The following E2F3 variants were observed in gnomAD, a reference collection of about 807,000 sequenced individuals.
E2F3 encodes the protein E2F transcription factor 3, also known as transcription factor E2F3.
In E2F3, 11 loss-of-function variants were observed where a neutral mutation model predicts 44.4. That is an observed-to-expected ratio of 0.25 (90% CI 0.16 to 0.41). E2F3 has a LOEUF of 0.41. Ranked by LOEUF, E2F3 falls within the 10% of genes least tolerant of loss-of-function variation. The probability of loss-of-function intolerance (pLI) is 1.00; values close to 1 mark genes in which losing one functional copy is unlikely to be tolerated. For synonymous variants in E2F3, 249 were observed against 253.0 expected (o/e 0.98, Z 0.15); for missense variants, 487 against 583.6 (o/e 0.83, Z 1.70).
At chr6:20,450,137 A>G (rs1761081324) in intron 1 of E2F3, among the ~76,000 whole-genome samples, 1 of 152,220 alleles carries the variant, frequency 6.6e-6, no homozygotes, top group Non-Finnish European at 1.5e-5. Context: ...GTATATACCC[A>G]GAAATGGGAA....
chr6:20,487,733 T>C (rs1762435745), intron 5 of E2F3, among the ~76,000 whole-genome samples: 1 of 152,152 alleles, frequency 6.6e-6, no homozygotes, highest in Non-Finnish European at 1.5e-5. Flanking sequence ...CAGCAAACTT[T>C]TTCATTGAAG....
intron 1 of E2F3, among the ~76,000 whole-genome samples, chr6:20,418,297 A>G (rs1019846727): frequency 4.6e-5 from 7 of 152,248 alleles, no homozygotes; most frequent in African/African-American, 1.7e-4. Context: ...GAGATGCATT[A>G]TCACATTCGA....
At chr6:20,481,519 G>T in intron 3 of E2F3, 94 bp downstream of exon 3, 1 of 1,102,588 alleles carries the variant, frequency 9.1e-7, no homozygotes, top group East Asian at 2.4e-5. Context: ...ACGCCCACAC[G>T]TTCTTTTCTT....
chr6:20,455,012 A>G (rs1761263076), intron 1 of E2F3, among the ~76,000 whole-genome samples: 1 of 152,186 alleles, frequency 6.6e-6, no homozygotes, highest in East Asian at 1.9e-4. Flanking sequence ...GCCGATGACA[A>G]TGTATATCGA....
At chr6:20,420,506 T>C (rs187130841) in intron 1 of E2F3, among the ~76,000 whole-genome samples, 34 of 152,216 alleles carry the variant, frequency 2.2e-4, no homozygotes, top group African/African-American at 7.5e-4. Context: ...GCAGGTCTGA[T>C]TCCAGAGCAC....
chr6:20,432,932 C>T (rs1476854791), intron 1 of E2F3, among the ~76,000 whole-genome samples: 4 of 152,332 alleles, frequency 2.6e-5, no homozygotes, highest in Non-Finnish European at 4.4e-5. Context: ...GACCTTGGCT[C>T]CTTGTCATCT....
Position 20,403,745 on chromosome 6 carries a change from C to T in E2F3, c.393+1120C>T. The T allele has an allele frequency of 4.8e-6, 7 of 1,469,506 alleles. No individual in the cohort carries two copies. In the South Asian group the frequency reaches 6.3e-5, roughly 13 times the overall value. The allele number at this position is 1,469,506 out of a possible 1,614,324, so 91.0% of individuals were successfully genotyped here. On this transcript the variant is annotated intron_variant, in intron 1 of 6. Transcript: ENST00000346618. ...CCCGCCCTCGCCCTGCGCCGCCGGT[C>T]TGTTCGGCCCTCCGGGCCCCCTCTC...
chr6:20,435,457 A>G (rs1312047076), intron 1 of E2F3, among the ~76,000 whole-genome samples: 2 of 152,222 alleles, frequency 1.3e-5, no homozygotes, highest in Non-Finnish European at 2.9e-5. Flanking sequence ...AGCATTATTA[A>G]AACTCATTGA....
chr6:20,407,206 A>C, intron 1 of E2F3, among the ~76,000 whole-genome samples: 1 of 152,198 alleles, frequency 6.6e-6, no homozygotes, highest in Non-Finnish European at 1.5e-5. Flanking sequence ...TGCCAAGTTT[A>C]AGCTGGGAGA....
chr6:20,433,596 T>A (rs1160659602), intron 1 of E2F3, among the ~76,000 whole-genome samples: 4 of 152,206 alleles, frequency 2.6e-5, no homozygotes, highest in Non-Finnish European at 4.4e-5. Flanking sequence ...ACTTCAAAAT[T>A]ACAGTAATTT....
At chr6:20,457,407 G>T (rs907741185) in intron 1 of E2F3, among the ~76,000 whole-genome samples, 3 of 133,340 alleles carry the variant, frequency 2.2e-5, no homozygotes, top group Admixed American at 1.8e-4. Context: ...CAGGCTGCTC[G>T]ATCTCTTGAC....
At chr6:20,419,602 T>G (rs1163484658) in intron 1 of E2F3, among the ~76,000 whole-genome samples, 1 of 152,142 alleles carries the variant, frequency 6.6e-6, no homozygotes, top group Non-Finnish European at 1.5e-5. Context: ...CTTGCTCTGT[T>G]GCCCAGGCTG....
chr6:20,445,249 T>C, intron 1 of E2F3: 1 of 627,312 alleles, frequency 1.6e-6, no homozygotes, highest in Non-Finnish European at 2.0e-6. Flanking sequence ...TTTTCTCCCT[T>C]TTTTTTTTTT....
In E2F3 at chr6:20,492,809, G is replaced by A. The variant is rs1762589531; in HGVS notation, c.*2379G>A. 4.4e-6 allele frequency: 1 copy of A among 226,636 alleles called. No individual in the cohort carries two copies. The highest frequency in any genetic ancestry group is 2.2e-5 in the African/African-American group (1 of 44,914). The allele number at this position is 226,636 out of a possible 1,614,324, so 14.0% of individuals were successfully genotyped here. A position where few individuals can be genotyped will look rare whatever the true frequency, so the allele number is the denominator to read the frequency against. ...TAGATGTCCATACTGTATTTTGTTT[G>A]CATTAAGTAATTTTCTTTTTGACTT... is the stretch of plus-strand genomic sequence containing the variant. On this transcript the variant is annotated 3_prime_UTR_variant, in exon 7 of 7. Coordinates refer to ENST00000346618, the MANE Select transcript of E2F3 (RefSeq NM_001949.5).
chr6:20,490,408 T>C lies in E2F3; in HGVS notation c.1376T>C (p.Val459Ala). ...TACGATTTGGAAAAGCTCCCACTGG[T>C]GGAAGACTTCATGTGTAGTTGATTA... ...DAYDLEKLPL[V>A]EDFMCS The change falls in exon 7 of 7, where the codon GTG (valine) becomes GCG (alanine). Residue 459 changes from valine to alanine, a missense_variant. Transcript: ENST00000346618. The surrounding 1 kb of genome is among the most constrained non-coding windows in gnomAD (Gnocchi z 4.3). The C allele has an allele frequency of 6.3e-7, 1 of 1,594,250 alleles. No homozygotes were observed. Among genetic ancestry groups the C allele is most frequent in the Non-Finnish European group, 8.5e-7 (1 of 1,169,934 alleles).
chr6:20,455,996 C>A (rs1342383107), intron 1 of E2F3, among the ~76,000 whole-genome samples: 1 of 152,114 alleles, frequency 6.6e-6, no homozygotes, highest in Non-Finnish European at 1.5e-5. Flanking sequence ...GGTATTCTTC[C>A]ATTTTTGCTT....
intron 1 of E2F3, among the ~76,000 whole-genome samples, chr6:20,456,083 AT>A (rs1490297914): frequency 6.6e-6 from 1 of 152,134 alleles, no homozygotes; most frequent in African/African-American, 2.4e-5. Flanking sequence ...TTTCTGGTAA[AT>A]TTAGCTTTTG....
intron 1 of E2F3, among the ~76,000 whole-genome samples, chr6:20,440,904 C>T (rs985122314): frequency 1.3e-5 from 2 of 151,914 alleles, no homozygotes; most frequent in African/African-American, 4.8e-5. Context: ...GGTGGGAAGA[C>T]CCCAAAATCC....
chr6:20,468,518 C>G (rs1168308954), intron 1 of E2F3, among the ~76,000 whole-genome samples: 2 of 152,202 alleles, frequency 1.3e-5, no homozygotes, highest in East Asian at 1.9e-4. Flanking sequence ...TTGTGTTCAG[C>G]TACCTGGAAG....
Sources: gnomAD v4.1 joint callset for allele counts (sites outside exome capture counted in the v4.1 genomes callset) on GRCh38, gnomAD v4.1.1 for gene constraint, Gnocchi (gnomAD v3.1) non-coding constraint, MANE v1.5 for transcripts, NCBI Gene and HGNC (gene_info 2026-07-23, HGNC 2026-07-21) for gene names.